The following NDUFS2 variants were observed in gnomAD, a reference collection of about 807,000 sequenced individuals.
NDUFS2 encodes NADH dehydrogenase [ubiquinone] iron-sulfur protein 2, mitochondrial.
A neutral mutation model predicts 69.6 loss-of-function variants in NDUFS2; 38 were observed. The observed-to-expected ratio is 0.55, with a 90% confidence interval of 0.42 to 0.72. The LOEUF is 0.72. Among genes scored for constraint, NDUFS2 ranks in the 30% least tolerant of loss-of-function variants. The pLI is 0.00. For synonymous variants in NDUFS2, 194 were observed against 211.2 expected (o/e 0.92, Z 0.70); for missense variants, 468 against 595.0 (o/e 0.79, Z 2.22).
chr1:161,211,519 A>G (rs561483996), intron 9 of NDUFS2, among the ~76,000 whole-genome samples: 5 of 152,250 alleles, frequency 3.3e-5, no homozygotes, highest in Admixed American at 1.3e-4. Flanking sequence ...GTGTGGTGGT[A>G]CATGCCTGTA....
chr1:161,209,420 C>T (rs1291740643), intron 4 of NDUFS2, 63 bp from the exon 5 acceptor site: 1 of 1,608,428 alleles, frequency 6.2e-7, no homozygotes, highest in Non-Finnish European at 8.5e-7. Flanking sequence ...CAGGCTCTGC[C>T]CAGACCTCTC....
At position 161,209,894 on chromosome 1, in the gene NDUFS2, T is replaced by C. The variant is rs1553250019; in HGVS notation, c.665T>C (p.Met222Thr). ...EFYERVSGAR[M>T]HAAYIRPGGV... ...TACGAGCGAGTGTCTGGAGCCCGAATGCATGCTGCTTATATCCGGCCAGGA... is the reference window on the plus strand; with the variant it reads ...TACGAGCGAGTGTCTGGAGCCCGAACGCATGCTGCTTATATCCGGCCAGGA... The change falls in exon 6 of 14, where the codon ATG becomes ACG. Residue 222 changes from methionine (M) to threonine (T), a missense_variant. By Grantham distance (81) the Met-to-Thr change is moderately conservative (BLOSUM62 -1). Transcript: ENST00000676972. 6.2e-7 allele frequency: 1 copy of C among 1,614,114 alleles called. No homozygotes were observed. The highest frequency in any genetic ancestry group is 8.5e-7 in the Non-Finnish European group (1 of 1,180,032).
chr1:161,202,535 T>A (rs1168099204), intron 1 of NDUFS2, 55 bp downstream of exon 1: 13 of 1,514,092 alleles, frequency 8.6e-6, no homozygotes, highest in African/African-American at 1.4e-5. Context: ...GTTTCTCAGG[T>A]TGGGGACGCT....
In NDUFS2 at chr1:161,203,533, A is replaced by G; in HGVS notation, c.192A>G (p.Pro64=). The G allele has an allele frequency of 6.2e-7, 1 of 1,613,338 alleles. No homozygotes were observed. The highest frequency in any genetic ancestry group is 8.5e-7 in the Non-Finnish European group (1 of 1,179,740). The change falls in exon 2 of 14, where the codon CCA becomes CCG. Residue 64 remains proline (P), a synonymous_variant. Coordinates refer to ENST00000676972, the MANE Select transcript of NDUFS2 (RefSeq NM_001377299.1). ...PSKETAHWKP[P]PWNDVDPPKD... is the part of the protein sequence containing the mutation. ...AAGAAACAGCCCACTGGAAGCCTCC[A>G]CCTTGGAATGGTGAGTGACCAGAGT... is the stretch of plus-strand genomic sequence containing the variant.
chr1:161,206,043 A>G (rs940969771), intron 2 of NDUFS2, among the ~76,000 whole-genome samples: 1 of 152,220 alleles, frequency 6.6e-6, no homozygotes, highest in Non-Finnish European at 1.5e-5. Flanking sequence ...CCTATTACTC[A>G]TAACAGTTGT....
chr1:161,208,292 A>C (rs1270660555), intron 3 of NDUFS2, among the ~76,000 whole-genome samples: 5 of 148,956 alleles, frequency 3.4e-5, no homozygotes, highest in Non-Finnish European at 5.9e-5. Flanking sequence ...CCAGTATGTC[A>C]GTTTTTTAAA....
upstream of NDUFS2, among the ~76,000 whole-genome samples, chr1:161,200,067 G>A (rs993253549): frequency 2.0e-5 from 3 of 152,046 alleles, no homozygotes; most frequent in African/African-American, 7.2e-5. Context: ...ATCAATCTGG[G>A]AGAATCCCCA....
At chr1:161,207,728 CAA>C (rs530428328) in intron 3 of NDUFS2, among the ~76,000 whole-genome samples, 2 of 120,996 alleles carry the variant, frequency 1.7e-5, no homozygotes, top group Non-Finnish European at 3.5e-5. Context: ...GACTGTGTCT[CAA>C]AAAAAAAAAA....
chr1:161,198,615 C>T, upstream of NDUFS2: 1 of 1,523,400 alleles, frequency 6.6e-7, no homozygotes, highest in Admixed American at 2.0e-5. This position sits in a 1 kb window ranked among gnomAD's most constrained non-coding sequence, Gnocchi z 4.7. Flanking sequence ...GGATGCGAGC[C>T]TGTCTGGGAC....
chr1:161,203,965 T>C (rs1176025824), intron 2 of NDUFS2: 1 of 259,466 alleles, frequency 3.9e-6, no homozygotes, highest in African/African-American at 2.2e-5. Context: ...CTATCCTGTT[T>C]GCTTCTTTCA....
chr1:161,211,813 C>G (rs1665783285), intron 9 of NDUFS2, among the ~76,000 whole-genome samples: 1 of 152,012 alleles, frequency 6.6e-6, no homozygotes, highest in South Asian at 2.1e-4. Context: ...CTCACCCATC[C>G]TGTGGTCCAA....
chr1:161,209,575 C>T lies in NDUFS2; in HGVS notation c.607C>T (p.Leu203=). 6.2e-7 allele frequency: 1 copy of T among 1,611,932 alleles called. No individual in the cohort carries two copies. Among genetic ancestry groups the T allele is most frequent in the Non-Finnish European group, 8.5e-7 (1 of 1,179,836 alleles). The change falls in exon 5 of 14, where the codon CTG becomes TTG. Residue 203 remains leucine, a synonymous_variant. Transcript: ENST00000676972. The stretch of plus-strand genomic sequence containing the variant: ...TGGGGCCATGACCCCTTTCTTCTGG[C>T]TGTTTGAAGAAAGGGAGAAGGTAAG... ...DLGAMTPFFW[L]FEEREKMFEF...
intron 3 of NDUFS2, among the ~76,000 whole-genome samples, chr1:161,207,520 G>A (rs1363002079): frequency 2.0e-5 from 3 of 152,048 alleles, no homozygotes; most frequent in African/African-American, 7.2e-5. Context: ...TTGGGAGGTC[G>A]AAGCAGGTGG....
At chr1:161,197,524 TAGTTTGC>T (rs1324855918), upstream of NDUFS2, 1 of 162,038 alleles carries the variant, frequency 6.2e-6, no homozygotes, top group East Asian at 1.8e-4. Context: ...ACTCCTGCCC[TAGTTTGC>T]AGTTTGCCAC....
intron 9 of NDUFS2, 57 bp from the exon 10 acceptor site, chr1:161,212,294 T>C: frequency 6.2e-7 from 1 of 1,609,510 alleles, no homozygotes; most frequent in Non-Finnish European, 8.5e-7. Flanking sequence ...GCATCCTTCC[T>C]AGCCCCATAC....
chr1:161,198,222 G>A, upstream of NDUFS2: 3 of 1,614,118 alleles, frequency 1.9e-6, no homozygotes, highest in Non-Finnish European at 2.5e-6. This position sits in a 1 kb window ranked among gnomAD's most constrained non-coding sequence, Gnocchi z 4.7. Flanking sequence ...ACCGACTCCG[G>A]ATCTCCATTG....
rs1367445852 is a variant in NDUFS2, at chr1:161,202,400, G to A, written c.15G>A (p.Arg5=). Residue 5 remains arginine, a synonymous_variant, in exon 1 of 14, where the codon AGG becomes AGA. Transcript: ENST00000676972. MAAL[R]ALCGFRGVAA... is the part of the protein sequence containing the mutation. ...GCCGGAGTAAGATGGCGGCGCTGAG[G>A]GCTTTGTGCGGCTTCCGGGGCGTCG... 3.1e-6 allele frequency: 5 copies of A among 1,612,388 alleles called. No individual in the cohort carries two copies. The South Asian group carries it at 3.3e-5, about 11-fold the overall frequency.
chr1:161,213,359 C>A, intron 10 of NDUFS2, 21 bp from the exon 11 acceptor site: 3 of 1,541,016 alleles, frequency 1.9e-6, no homozygotes, highest in South Asian at 1.1e-5. Flanking sequence ...TTTATTGATG[C>A]TCCCTGTTTC....
At chr1:161,198,670 C>T, upstream of NDUFS2, 2 of 1,443,594 alleles carry the variant, frequency 1.4e-6, no homozygotes, top group Non-Finnish European at 9.2e-7. This position sits in a 1 kb window ranked among gnomAD's most constrained non-coding sequence, Gnocchi z 4.7. Context: ...CCGTCTAGGG[C>T]ACCAAGTCCT....
Sources: allele counts gnomAD v4.1 joint callset (sites outside exome capture counted in the v4.1 genomes callset), GRCh38; gene constraint gnomAD v4.1.1; non-coding constraint Gnocchi (gnomAD v3.1); transcripts MANE v1.5; gene names NCBI Gene and HGNC (gene_info 2026-07-23, HGNC 2026-07-21).